JAM3: variants seen among roughly 807,000 people sequenced by gnomAD.
The protein encoded by JAM3 is junctional adhesion molecule 3, also known as junctional adhesion molecule C.
A neutral mutation model predicts 39.4 loss-of-function variants in JAM3; 31 were observed. The ratio of observed to expected loss-of-function variants is 0.79; its 90% CI spans 0.59 to 1.06. The LOEUF is 1.06. Ranked by LOEUF, JAM3 falls within the 50% of genes least tolerant of loss-of-function variation. The pLI, the probability that JAM3 is intolerant of heterozygous loss-of-function variation, is 0.00. For missense variants in JAM3, 455 were observed against 391.4 expected, an observed-to-expected ratio of 1.16 and a Z score of -1.37; for synonymous variants, 182 against 148.7, an observed-to-expected ratio of 1.22 and a Z score of -1.63.
At chr11:134,125,061 C>G (rs961205614) in intron 1 of JAM3, among the ~76,000 whole-genome samples, 1 of 152,212 alleles carries the variant, frequency 6.6e-6, no homozygotes, top group Non-Finnish European at 1.5e-5. Context: ...TGTCTTGCTG[C>G]TGCTCCTGCA....
chr11:134,099,800 T>A (rs1942042553), intron 1 of JAM3, among the ~76,000 whole-genome samples: 1 of 152,120 alleles, frequency 6.6e-6, no homozygotes, highest in Admixed American at 6.5e-5. Context: ...AGAGACGGGG[T>A]TTCACCATGT....
chr11:134,125,315 C>CT (rs1345697507), intron 1 of JAM3, among the ~76,000 whole-genome samples: 2 of 152,152 alleles, frequency 1.3e-5, no homozygotes, highest in Non-Finnish European at 1.5e-5. Flanking sequence ...ATGTCAGAGG[C>CT]TTTTTTTAGG....
intron 1 of JAM3, among the ~76,000 whole-genome samples, chr11:134,097,879 T>A (rs1174464663): frequency 6.6e-6 from 1 of 151,630 alleles, no homozygotes; most frequent in African/African-American, 2.4e-5. Flanking sequence ...TATATTTATA[T>A]ACACACACTT....
At chr11:134,147,012 G>C (rs1008304915) in intron 6 of JAM3, among the ~76,000 whole-genome samples, 3 of 152,186 alleles carry the variant, frequency 2.0e-5, no homozygotes, top group African/African-American at 7.2e-5. Context: ...AGAAATGTCT[G>C]TGTGTGAGAC....
intron 1 of JAM3, among the ~76,000 whole-genome samples, chr11:134,086,513 G>A (rs1312517123): frequency 6.6e-6 from 1 of 152,002 alleles, no homozygotes; most frequent in African/African-American, 2.4e-5. Context: ...GATATTTGTA[G>A]AAAAGATTAG....
intron 6 of JAM3, 149 bp from the exon 7 acceptor site, chr11:134,148,398 G>T (rs1426433315): frequency 9.3e-6 from 8 of 857,730 alleles, no homozygotes; most frequent in Admixed American, 3.8e-5. Flanking sequence ...TAGAAGGATT[G>T]TAAGTGTTCT....
At chr11:134,078,820 C>T (rs977064560) in intron 1 of JAM3, among the ~76,000 whole-genome samples, 2 of 152,138 alleles carry the variant, frequency 1.3e-5, no homozygotes, top group African/African-American at 4.8e-5. Context: ...AGGTGGATCA[C>T]CTGAGGTCGG....
At chr11:134,113,178 G>T (rs931365614) in intron 1 of JAM3, among the ~76,000 whole-genome samples, 1 of 149,420 alleles carries the variant, frequency 6.7e-6, no homozygotes, top group African/African-American at 2.5e-5. Context: ...GACAATGTGG[G>T]TTCTGGGACT....
At chr11:134,103,889 A>C (rs1942127883) in intron 1 of JAM3, among the ~76,000 whole-genome samples, 10 of 152,256 alleles carry the variant, frequency 6.6e-5, no homozygotes. Flanking sequence ...AAAGAGACTT[A>C]GACTCCCACA....
At chr11:134,128,261 G>T (rs1453633562) in intron 1 of JAM3, among the ~76,000 whole-genome samples, 1 of 152,136 alleles carries the variant, frequency 6.6e-6, no homozygotes, top group Non-Finnish European at 1.5e-5. Flanking sequence ...CTGCTCACCT[G>T]CAGAGACAGC....
chr11:134,134,342 C>G (rs1246099281), intron 1 of JAM3, among the ~76,000 whole-genome samples: 2 of 138,300 alleles, frequency 1.4e-5, no homozygotes, highest in African/African-American at 5.5e-5. Context: ...CAAATTAATG[C>G]CAGACACTAA....
intron 1 of JAM3, among the ~76,000 whole-genome samples, chr11:134,104,376 A>G (rs1387427277): frequency 1.3e-5 from 2 of 152,244 alleles, no homozygotes; most frequent in Admixed American, 6.5e-5. Flanking sequence ...AGGGAAATTT[A>G]TAGCACTAAA....
intron 1 of JAM3, among the ~76,000 whole-genome samples, chr11:134,108,939 A>G (rs1426186687): frequency 6.6e-6 from 1 of 152,202 alleles, no homozygotes; most frequent in Non-Finnish European, 1.5e-5. Context: ...TAGAAACCAG[A>G]CAAAAATACC....
intron 1 of JAM3, among the ~76,000 whole-genome samples, chr11:134,100,692 G>A (rs533677109): frequency 1.3e-5 from 2 of 152,176 alleles, no homozygotes; most frequent in African/African-American, 4.8e-5. Context: ...AGCACTTTAC[G>A]TATGCTCTCT....
At chr11:134,139,290 A>G (rs963775683) in intron 1 of JAM3, among the ~76,000 whole-genome samples, 1 of 152,194 alleles carries the variant, frequency 6.6e-6, no homozygotes, top group Non-Finnish European at 1.5e-5. Flanking sequence ...TATTTTTCTC[A>G]TTTCAACAAA....
At chr11:134,092,703 A>T (rs1317311635) in intron 1 of JAM3, among the ~76,000 whole-genome samples, 1 of 131,696 alleles carries the variant, frequency 7.6e-6, no homozygotes, top group Non-Finnish European at 1.6e-5. Context: ...CTTATTCATC[A>T]TGTTCCACCT....
intron 1 of JAM3, among the ~76,000 whole-genome samples, chr11:134,111,090 A>T (rs1396543629): frequency 8.2e-5 from 11 of 134,074 alleles, no homozygotes; most frequent in African/African-American, 3.2e-4. Context: ...TACCTTTCCT[A>T]TGTCTACACT....
intron 1 of JAM3, among the ~76,000 whole-genome samples, chr11:134,090,233 A>C (rs377440235): frequency 7.9e-5 from 12 of 152,126 alleles, no homozygotes; most frequent in African/African-American, 2.9e-4. Flanking sequence ...AGATTGCAAA[A>C]ATTTTCTCCC....
intron 1 of JAM3, among the ~76,000 whole-genome samples, chr11:134,110,086 C>G (rs572251719): frequency 6.6e-6 from 1 of 152,212 alleles, no homozygotes; most frequent in African/African-American, 2.4e-5. Context: ...ATTTAATTTG[C>G]ACCTTAATGC....
Sources: gnomAD v4.1 joint callset for allele counts (sites outside exome capture counted in the v4.1 genomes callset) on GRCh38, gnomAD v4.1.1 for gene constraint, MANE v1.5 for transcripts, NCBI Gene and HGNC (gene_info 2026-07-23, HGNC 2026-07-21) for gene names.